SND1: variants seen among roughly 807,000 people sequenced by gnomAD.
SND1 encodes staphylococcal nuclease and tudor domain containing 1.
A neutral mutation model predicts 121.7 loss-of-function variants in SND1; 38 were observed. That is an observed-to-expected ratio of 0.31 (90% CI 0.24 to 0.41). The LOEUF (loss-of-function observed/expected upper bound fraction) is 0.41. Ranked by LOEUF, SND1 falls within the 10% of genes least tolerant of loss-of-function variation. SND1 has a pLI of 1.00. For synonymous variants in SND1, 401 were observed against 447.4 expected (o/e 0.90, Z 1.31); for missense variants, 868 against 1,184.6 (o/e 0.73, Z 3.92).
chr7:127,796,408 A>AT (rs1230910179), intron 10 of SND1, among the ~76,000 whole-genome samples: 2 of 152,158 alleles, frequency 1.3e-5, no homozygotes, highest in African/African-American at 2.4e-5. Context: ...GTCTTTCTAT[A>AT]TTCCCCATTA....
At chr7:127,910,371 G>A (rs1383034473) in intron 14 of SND1, among the ~76,000 whole-genome samples, 2 of 152,132 alleles carry the variant, frequency 1.3e-5, no homozygotes, top group Admixed American at 1.3e-4. Context: ...CTTGAACCTG[G>A]GAGGCAGAGG....
intron 15 of SND1, among the ~76,000 whole-genome samples, chr7:127,989,633 G>A (rs937667433): frequency 9.2e-5 from 14 of 151,546 alleles, no homozygotes; most frequent in African/African-American, 3.4e-4. Flanking sequence ...TAAATAAAAG[G>A]TAGCACCTCT....
chr7:127,891,210 A>G (rs1471773838), intron 13 of SND1, among the ~76,000 whole-genome samples: 1 of 152,060 alleles, frequency 6.6e-6, no homozygotes, highest in Non-Finnish European at 1.5e-5. Context: ...CAGAATCCCC[A>G]TCCTCATGGT....
At chr7:127,893,541 T>C (rs1270736701) in intron 13 of SND1, among the ~76,000 whole-genome samples, 1 of 152,118 alleles carries the variant, frequency 6.6e-6, no homozygotes, top group Non-Finnish European at 1.5e-5. Context: ...CGGATGTATA[T>C]ATTCAGAAAA....
chr7:127,773,897 ACTGAT>A (rs1797565457), intron 10 of SND1, among the ~76,000 whole-genome samples: 1 of 152,218 alleles, frequency 6.6e-6, no homozygotes, highest in East Asian at 1.9e-4. Context: ...CCTATTGCCT[ACTGAT>A]GTAGCCTTTG....
Position 127,935,182 on chromosome 7 carries a change from CAGACTT to C in SND1, c.1669+5856_1669+5861del, listed in dbSNP as rs1187779068. Among the ~76,000 whole-genome samples, 66 of 152,130 alleles carry C rather than the reference CAGACTT, an allele frequency of 4.3e-4. 2 individuals are homozygous for C. Among genetic ancestry groups the C allele is most frequent in the Non-Finnish European group, 7.4e-5 (5 of 68,026 alleles). On this transcript the variant is annotated intron_variant, in intron 15 of 23. Coordinates refer to ENST00000354725, the MANE Select transcript of SND1 (RefSeq NM_014390.4). ...GGAAGTAAAAGTGGGAAGTAAGAAA[CAGACTT>C]AGTAAGTACAGATTGCACTTCCCTG...
At chr7:127,801,516 C>T (rs1476437372) in intron 10 of SND1, among the ~76,000 whole-genome samples, 1 of 152,186 alleles carries the variant, frequency 6.6e-6, no homozygotes, top group Non-Finnish European at 1.5e-5. Context: ...CACCCACCTA[C>T]TGGAATCTGC....
chr7:127,736,871 T>A (rs1159746587), intron 10 of SND1, among the ~76,000 whole-genome samples: 1 of 152,188 alleles, frequency 6.6e-6, no homozygotes, highest in African/African-American at 2.4e-5. Flanking sequence ...ACCGGTGAGA[T>A]GTTTTATGGG....
chr7:128,090,938 G>A (rs1249650300), intron 22 of SND1, among the ~76,000 whole-genome samples: 1 of 152,082 alleles, frequency 6.6e-6, no homozygotes, highest in Non-Finnish European at 1.5e-5. Context: ...TAATGCCCCT[G>A]CTATCTAGAA....
At chr7:127,777,583 A>G (rs1797644377) in intron 10 of SND1, among the ~76,000 whole-genome samples, 1 of 152,328 alleles carries the variant, frequency 6.6e-6, no homozygotes, top group East Asian at 1.9e-4. Flanking sequence ...ACTGGATGAG[A>G]TGGGATATTA....
chr7:127,715,777 A>G (rs1431575729), intron 9 of SND1, among the ~76,000 whole-genome samples: 2 of 152,162 alleles, frequency 1.3e-5, no homozygotes, highest in African/African-American at 4.8e-5. Context: ...ATATTTGAGA[A>G]ATCATTGCCA....
At chr7:127,973,443 G>A (rs926008280) in intron 15 of SND1, among the ~76,000 whole-genome samples, 1 of 152,190 alleles carries the variant, frequency 6.6e-6, no homozygotes, top group African/African-American at 2.4e-5. Flanking sequence ...CAGAAAAGAG[G>A]ATCTGACAGC....
At chr7:127,834,886 G>T (rs555112799) in intron 11 of SND1, among the ~76,000 whole-genome samples, 2 of 152,170 alleles carry the variant, frequency 1.3e-5, no homozygotes, top group East Asian at 3.9e-4. Context: ...ACTTCTTGAT[G>T]CCAGCTCATG....
chr7:127,936,705 G>A (rs931748727), intron 15 of SND1, among the ~76,000 whole-genome samples: 1 of 151,796 alleles, frequency 6.6e-6, no homozygotes, highest in African/African-American at 2.4e-5. Context: ...CACCACACCT[G>A]GCTAATATTG....
intron 10 of SND1, among the ~76,000 whole-genome samples, chr7:127,741,441 T>TG (rs36113791): frequency 0.059 from 8,907 of 152,242 alleles, 384 homozygotes; most frequent in Middle Eastern, 0.18. Context: ...CTGGGGGAAC[T>TG]TGAGAACAAA....
rs1016746520 is a variant in SND1 at position 127,652,194 on chromosome 7, C to T, written c.-180C>T. On this transcript the variant is annotated 5_prime_UTR_variant, in exon 1 of 24. Transcript: ENST00000354725. ...CGTGTGGCGGCGGCGGAGATCGCGT[C>T]TCTTTCGCTCCGTGTCCCGCTGCTG... The T allele has an allele frequency of 2.7e-5, 17 of 633,706 alleles. No individual in the cohort carries two copies. The highest frequency in any genetic ancestry group is 4.2e-4 in the Middle Eastern group (1 of 2,400). 39.3% of individuals were successfully genotyped at this position (633,706 alleles called of 1,614,324 possible).
chr7:127,913,680 G>A (rs1013924519), intron 14 of SND1, among the ~76,000 whole-genome samples: 1 of 152,270 alleles, frequency 6.6e-6, no homozygotes, highest in Admixed American at 6.5e-5. Flanking sequence ...AGATTCCCAG[G>A]TTGAGGTGTG....
intron 10 of SND1, among the ~76,000 whole-genome samples, chr7:127,761,855 A>G (rs1797311424): frequency 6.6e-6 from 1 of 152,184 alleles, no homozygotes. Flanking sequence ...AGTATTTTCC[A>G]GAGGCTTCTA....
intron 16 of SND1, among the ~76,000 whole-genome samples, chr7:128,059,031 C>T (rs1187879436): frequency 1.3e-5 from 2 of 152,162 alleles, no homozygotes; most frequent in African/African-American, 4.8e-5. Flanking sequence ...CTTGCACCTC[C>T]ACTGACCTCA....
Sources: gnomAD v4.1 joint callset for allele counts (sites outside exome capture counted in the v4.1 genomes callset) on GRCh38, gnomAD v4.1.1 for gene constraint, MANE v1.5 for transcripts, NCBI Gene and HGNC (gene_info 2026-07-23, HGNC 2026-07-21) for gene names.